Variants in LRRTM1 observed in about 807,000 individuals in gnomAD.
The protein encoded by LRRTM1 is leucine-rich repeat transmembrane neuronal protein 1.
Under a neutral mutation model 37.3 loss-of-function variants are expected in LRRTM1, and 8 were observed. The observed-to-expected ratio is 0.21, with a 90% confidence interval of 0.13 to 0.39. LRRTM1 has a LOEUF of 0.39. LRRTM1 is among the 10% of genes least tolerant of loss of function. LRRTM1 has a pLI of 1.00. For synonymous variants in LRRTM1, 326 were observed against 316.8 expected (o/e 1.03, Z -0.31); for missense variants, 557 against 691.0 (o/e 0.81, Z 2.17).
chr2:80,302,610 C>G lies in LRRTM1; in HGVS notation c.1210G>C (p.Gly404Arg), dbSNP rs748240426. 2.5e-6 allele frequency: 4 copies of G among 1,605,760 alleles called. No homozygotes were observed. Among genetic ancestry groups the G allele is most frequent in the East Asian group, 2.2e-5 (1 of 44,796 alleles). The change falls in exon 2 of 2, where the codon GGC (glycine) becomes CGC (arginine). Residue 404 changes from glycine to arginine, a missense_variant. Gly to Arg is a moderately radical substitution (Grantham distance 125). This residue lies in a region of LRRTM1 where 89 missense variants were observed against 80.7 expected (regional missense o/e 1.10). Transcript: ENST00000295057. The surrounding 1 kb of genome is among the most constrained non-coding windows in gnomAD (Gnocchi z 6.4). The part of the protein sequence containing the change: ...LADGGEGQHD[G>R]TFEPATVALP... ...GCCACGGTGGCAGGCTCGAATGTGC[C>G]GTCGTGCTGCCCCTCCCCGCCGTCC...
chr2:80,290,720 C>A (rs1204939019), intron 2 of LRRTM1, among the ~76,000 whole-genome samples: 1 of 152,000 alleles, frequency 6.6e-6, no homozygotes, highest in Non-Finnish European at 1.5e-5. Flanking sequence ...TTATTTCACC[C>A]ACATAAGAAA....
chr2:80,296,588 A>G (rs1362925351), intron 2 of LRRTM1, among the ~76,000 whole-genome samples: 2 of 152,246 alleles, frequency 1.3e-5, no homozygotes, highest in African/African-American at 4.8e-5. Context: ...CTTAAAAGGA[A>G]TAAGTCTAGG....
At chr2:80,288,591 G>A (rs1674973079) in exon 3 of LRRTM1, 1 of 152,256 alleles carries the variant, frequency 6.6e-6, no homozygotes, top group Non-Finnish European at 1.5e-5. Flanking sequence ...CATAAACCAG[G>A]AATCCACTGC....
Position 80,302,317 on chromosome 2 carries a change from C to G in LRRTM1, c.1503G>C (p.Leu501=). The G allele has an allele frequency of 6.2e-7, 1 of 1,614,202 alleles. No individual in the cohort carries two copies. Among genetic ancestry groups the G allele is most frequent in the South Asian group, 1.1e-5 (1 of 91,072 alleles). The change falls in exon 2 of 2, where the codon CTG becomes CTC. Residue 501 remains leucine (L), a synonymous_variant. Coordinates refer to ENST00000295057, the MANE Select transcript of LRRTM1 (RefSeq NM_178839.5). This position sits in a 1 kb window ranked among gnomAD's most constrained non-coding sequence, Gnocchi z 6.4. Reference sequence around the variant, plus strand: ...ACGAGCCATACTCGTTGATGATCACCAGGGCTCCCTCAATGTGGTTCGGTT... The same window carrying G: ...ACGAGCCATACTCGTTGATGATCACGAGGGCTCCCTCAATGTGGTTCGGTT... ...DYKPNHIEGA[L]VIINEYGSCT...
Position 80,303,781 on chromosome 2 carries a change from C to A in LRRTM1, c.39G>T (p.Leu13=). 1 of 1,559,042 alleles carries A rather than the reference C, an allele frequency of 6.4e-7. No individual in the cohort carries two copies. The change falls in exon 2 of 2, where the codon CTG becomes CTT. Residue 13 remains leucine (L), a synonymous_variant. Transcript: ENST00000295057. The surrounding 1 kb of genome is among the most constrained non-coding windows in gnomAD (Gnocchi z 7.7). Reference sequence around the variant, plus strand: ...AGACCACCCCCGAGGGCCTCCTCAGCAGCCAGTATAGACAGAGACCGAGCA... The same window carrying A: ...AGACCACCCCCGAGGGCCTCCTCAGAAGCCAGTATAGACAGAGACCGAGCA... ...FLLLGLCLYW[L]LRRPSGVVLC...
At chr2:80,301,836 T>A (rs1262494399), downstream of LRRTM1, 1 of 154,842 alleles carries the variant, frequency 6.5e-6, no homozygotes, top group Non-Finnish European at 1.4e-5. Flanking sequence ...GCTTTTCTTG[T>A]AACACAGGTA....
chr2:80,300,296 G>GTT (rs1676160261), downstream of LRRTM1, among the ~76,000 whole-genome samples: 1 of 124,806 alleles, frequency 8.0e-6, no homozygotes, highest in Admixed American at 8.6e-5. Flanking sequence ...GTGTGTGTGT[G>GTT]TGTGTGTGTG....
rs1211672880 is a variant in LRRTM1, at chr2:80,302,745, C to A, written c.1075G>T (p.Ala359Ser). Residue 359 changes from alanine to serine, a missense_variant, in exon 2 of 2, where the codon GCC becomes TCC. Ala to Ser is a moderately conservative substitution (Grantham distance 99, BLOSUM62 1). Around this residue, in one of 5 missense-constraint regions of LRRTM1, gnomAD observed 89 missense variants for 80.7 expected, o/e 1.10. Coordinates refer to ENST00000295057, the MANE Select transcript of LRRTM1 (RefSeq NM_178839.5). This position sits in a 1 kb window ranked among gnomAD's most constrained non-coding sequence, Gnocchi z 6.4. The part of the protein sequence containing the change: ...QGEDVLDAVY[A>S]FHLCEDGAEP... ...GCCCCATCCTCGCACAGGTGGAAGG[C>A]GTACACGGCGTCCAGGACGTCCTCG... 1 of 1,613,082 alleles carries A rather than the reference C, an allele frequency of 6.2e-7. No individual in the cohort carries two copies.
rs1042621456 is a variant in LRRTM1, at chr2:80,304,196, G to A, written c.-104C>T. 5.7e-6 allele frequency: 1 copy of A among 175,814 alleles called. No homozygotes were observed. The highest frequency in any genetic ancestry group is 2.4e-5 in the African/African-American group (1 of 42,482). 10.9% of individuals were successfully genotyped at this position (175,814 alleles called of 1,614,324 possible). On this transcript the variant is annotated 5_prime_UTR_variant, in exon 1 of 2. Coordinates refer to ENST00000295057, the MANE Select transcript of LRRTM1 (RefSeq NM_178839.5). ...ACCTCCATTCAGCTGCTCCCTTTGT[G>A]TGCAGGCTAATTATATGCAGGGCGA...
chr2:80,290,751 C>T (rs1675170218), intron 2 of LRRTM1, among the ~76,000 whole-genome samples: 1 of 152,030 alleles, frequency 6.6e-6, no homozygotes, highest in South Asian at 2.1e-4. Context: ...TCCCTCAGTG[C>T]CATTTTGCTC....
In LRRTM1 at chr2:80,292,755, C is replaced by T. The variant is rs542161303; in HGVS notation, c.*307-3560G>A. Among the ~76,000 whole-genome samples the T allele has an allele frequency of 7.2e-5, 11 of 152,298 alleles. No homozygotes were observed. The South Asian group carries it at 1.9e-3, about 26-fold the overall frequency. Reference sequence around the variant, plus strand: ...CTATTGTTCACTCCACAAATGTTGACTTAAGCTCTGAACAAGAAATGTTGT... The same window carrying T: ...CTATTGTTCACTCCACAAATGTTGATTTAAGCTCTGAACAAGAAATGTTGT... On this transcript the variant is annotated intron_variant and NMD_transcript_variant, in intron 2 of 2. Transcript: ENST00000417012.
At chr2:80,297,890 A>C (rs1675889736), downstream of LRRTM1, among the ~76,000 whole-genome samples, 2 of 152,258 alleles carry the variant, frequency 1.3e-5, no homozygotes, top group South Asian at 4.1e-4. Context: ...TTCCTGAATA[A>C]AAGTTTGATT....
chr2:80,303,344 C>G lies in LRRTM1; in HGVS notation c.476G>C (p.Gly159Ala). ...ATGCAGCGTGGTGAGCTTCCGCAGC[C>G]CGTGGAAGAGGTCGGGCGCGAGCGC... is the stretch of plus-strand genomic sequence containing the variant. The part of the protein sequence containing the change: ...LQALAPDLFH[G>A]LRKLTTLHMR... Residue 159 changes from glycine to alanine, a missense_variant, in exon 2 of 2, where the codon GGG (glycine) becomes GCG (alanine). Transcript: ENST00000295057. The surrounding 1 kb of genome is among the most constrained non-coding windows in gnomAD (Gnocchi z 7.7). 6.2e-7 allele frequency: 1 copy of G among 1,613,976 alleles called. No homozygotes were observed. The highest frequency in any genetic ancestry group is 8.5e-7 in the Non-Finnish European group (1 of 1,180,028).
downstream of LRRTM1, chr2:80,299,717 A>T (rs1174174156): frequency 3.3e-5 from 5 of 152,332 alleles, no homozygotes; most frequent in East Asian, 9.6e-4. Context: ...TGAAAGATAA[A>T]AATGTCTTGG....
rs766388606 is a variant in LRRTM1 at position 80,303,289 on chromosome 2, G to C, written c.531C>G (p.Pro177=). ...TGCGGCAGTCCTGGAAGATGCGCAC[G>C]GGCACAAACTGGATGGCGTTGGCCC... ...HMRANAIQFV[P]VRIFQDCRSL... The change falls in exon 2 of 2, where the codon CCC becomes CCG. Residue 177 remains proline (P), a synonymous_variant. Transcript: ENST00000295057. This position sits in a 1 kb window ranked among gnomAD's most constrained non-coding sequence, Gnocchi z 7.7. 4.5e-5 allele frequency: 73 copies of C among 1,613,442 alleles called. No individual in the cohort carries two copies. Among genetic ancestry groups the C allele is most frequent in the Admixed American group, 8.3e-5 (5 of 60,004 alleles).
In LRRTM1 at chr2:80,303,211, G is replaced by C. The variant is rs1676535898; in HGVS notation, c.609C>G (p.Asn203Lys). Residue 203 changes from asparagine to lysine, a missense_variant, in exon 2 of 2, where the codon AAC becomes AAG. Transcript: ENST00000295057. This position sits in a 1 kb window ranked among gnomAD's most constrained non-coding sequence, Gnocchi z 7.7. ...GYNQLKSLAR[N>K]SFAGLFKLTE... ...TGAGCTTAAACAAGCCGGCGAAAGA[G>C]TTGCGCGCCAGACTCTTGAGCTGAT... is the stretch of plus-strand genomic sequence containing the variant. 1 of 1,613,904 alleles carries C rather than the reference G, an allele frequency of 6.2e-7. No homozygotes were observed. The highest frequency in any genetic ancestry group is 8.5e-7 in the Non-Finnish European group (1 of 1,179,948).
At chr2:80,293,445 G>A (rs575554043) in intron 2 of LRRTM1, among the ~76,000 whole-genome samples, 6 of 152,316 alleles carry the variant, frequency 3.9e-5, no homozygotes, top group African/African-American at 1.4e-4. Flanking sequence ...TTTGGTTTAA[G>A]GAGGTAAAAT....
chr2:80,302,463 A>G lies in LRRTM1; in HGVS notation c.1357T>C (p.Phe453Leu), dbSNP rs370350389. Reference sequence around the variant, plus strand: ...CTGAGCTGCCTGAGGCTGGCTGGGAAACACTTCCAGGACACGTAGAGCACC... The same window carrying G: ...CTGAGCTGCCTGAGGCTGGCTGGGAGACACTTCCAGGACACGTAGAGCACC... ...VLVLYVSWKC[F>L]PASLRQLRQC... The change falls in exon 2 of 2, where the codon TTC becomes CTC. Residue 453 changes from phenylalanine to leucine, a missense_variant. By Grantham distance (22) the Phe-to-Leu change is conservative. Transcript: ENST00000295057. The surrounding 1 kb of genome is among the most constrained non-coding windows in gnomAD (Gnocchi z 6.4). The G allele has an allele frequency of 3.1e-6, 5 of 1,614,042 alleles. No individual in the cohort carries two copies. The highest frequency in any genetic ancestry group is 4.2e-6 in the Non-Finnish European group (5 of 1,180,048).
intron 2 of LRRTM1, among the ~76,000 whole-genome samples, chr2:80,291,697 C>T (rs1251071654): frequency 6.6e-6 from 1 of 152,148 alleles, no homozygotes; most frequent in Non-Finnish European, 1.5e-5. Flanking sequence ...AGCAGTTTTT[C>T]ACCTCCAGGA....
Sources: allele counts gnomAD v4.1 joint callset (sites outside exome capture counted in the v4.1 genomes callset), GRCh38; gene constraint gnomAD v4.1.1; regional missense constraint gnomAD v4.1.1; non-coding constraint Gnocchi (gnomAD v3.1); transcripts MANE v1.5; gene names NCBI Gene and HGNC (gene_info 2026-07-23, HGNC 2026-07-21).